The following GANC variants were observed in gnomAD, a reference collection of about 807,000 sequenced individuals.
GANC encodes the protein neutral alpha-glucosidase C.
In GANC, 117 loss-of-function variants were observed where a neutral mutation model predicts 124.2. The observed-to-expected ratio is 0.94, with a 90% CI of 0.81 to 1.10. GANC has a LOEUF of 1.10. Ranked by LOEUF, GANC falls within the 50% of genes least tolerant of loss-of-function variation. GANC has a pLI of 0.00. For missense variants in GANC, 1,140 were observed against 1,095.0 expected, an observed-to-expected ratio of 1.04 and a Z score of -0.58; for synonymous variants, 377 against 376.8, an observed-to-expected ratio of 1.00 and a Z score of -0.01.
chr15:42,287,060 A>G (rs534935242), intron 3 of GANC, among the ~76,000 whole-genome samples: 2 of 152,208 alleles, frequency 1.3e-5, no homozygotes, highest in East Asian at 1.9e-4. Context: ...ATGATTCTAC[A>G]TTGTTTCCGT....
intron 11 of GANC, among the ~76,000 whole-genome samples, chr15:42,324,518 G>A (rs1420691504): frequency 6.6e-6 from 1 of 152,014 alleles, no homozygotes. Context: ...GTAGTCAAAA[G>A]GTCAAAGCAA....
At chr15:42,348,938 CCTCCTA>C (rs2052393850) in intron 21 of GANC, among the ~76,000 whole-genome samples, 3 of 152,240 alleles carry the variant, frequency 2.0e-5, no homozygotes, top group Admixed American at 2.0e-4. Context: ...CGATCCATAT[CCTCCTA>C]CTAAAAATAA....
intron 6 of GANC, among the ~76,000 whole-genome samples, chr15:42,303,194 C>T (rs2051962937): frequency 1.3e-5 from 2 of 152,114 alleles, no homozygotes; most frequent in Admixed American, 1.3e-4. Context: ...GAGTGGGGGC[C>T]AATATTCAAC....
Position 42,352,462 on chromosome 15 carries a change from G to A in GANC, c.*323G>A. On this transcript the variant is annotated 3_prime_UTR_variant, in exon 24 of 24. Transcript: ENST00000318010. Reference sequence around the variant, plus strand: ...GCTGCGTGGGTCTGTTTTAACGTGGGCCAAGCCTACCTGGGCAGCCCATTT... The same window carrying A: ...GCTGCGTGGGTCTGTTTTAACGTGGACCAAGCCTACCTGGGCAGCCCATTT... 2 of 1,056,188 alleles carry A rather than the reference G, an allele frequency of 1.9e-6. No individual in the cohort carries two copies. Among genetic ancestry groups the A allele is most frequent in the Non-Finnish European group, 2.3e-6 (2 of 872,048 alleles). 65.4% of individuals were successfully genotyped at this position (1,056,188 alleles called of 1,614,324 possible).
chr15:42,275,930 C>A (rs1267892248), intron 1 of GANC, among the ~76,000 whole-genome samples: 1 of 152,088 alleles, frequency 6.6e-6, no homozygotes, highest in African/African-American at 2.4e-5. Context: ...AAAATATTTT[C>A]TTGAATAAAT....
intron 10 of GANC, among the ~76,000 whole-genome samples, chr15:42,315,493 A>G (rs180829066): frequency 2.6e-5 from 4 of 152,378 alleles, no homozygotes; most frequent in African/African-American, 4.8e-5. Context: ...ATGGAAAAGC[A>G]TAAGTGTTTA....
intron 10 of GANC, chr15:42,313,753 C>G (rs2052077093): frequency 3.1e-6 from 1 of 326,462 alleles, no homozygotes; most frequent in Admixed American, 4.8e-5. Flanking sequence ...GAACAGTGCT[C>G]CAACATCAGT....
In GANC at chr15:42,273,332, G is replaced by A. The variant is rs1025591504; in HGVS notation, c.-1150G>A. On this transcript the variant is annotated 5_prime_UTR_variant, in exon 1 of 24. In the 5' UTR this introduces an upstream ATG that the reference lacks. Coordinates refer to ENST00000318010, the MANE Select transcript of GANC (RefSeq NM_198141.3). ...GGTCCCGCACTGAAAAACGACAGTG[G>A]TGACGGGTGAGCTCCCAGAAGCAGA... The A allele has an allele frequency of 1.5e-5, 25 of 1,614,044 alleles. No homozygotes were observed. In the East Asian group the frequency reaches 2.5e-4, roughly 16 times the overall value.
At chr15:42,316,536 G>A (rs2052104919) in intron 10 of GANC, among the ~76,000 whole-genome samples, 1 of 152,202 alleles carries the variant, frequency 6.6e-6, no homozygotes, top group Non-Finnish European at 1.5e-5. Flanking sequence ...GCACTTGTAA[G>A]AAAGATCAAG....
At chr15:42,311,640 C>T (rs115972016) in intron 10 of GANC, among the ~76,000 whole-genome samples, 2,541 of 152,072 alleles carry the variant, frequency 0.017, 74 homozygotes, top group African/African-American at 0.059. Context: ...CTTACCTGGT[C>T]GGAGCAGGAG....
At chr15:42,296,473 G>A (rs914548841) in intron 5 of GANC, among the ~76,000 whole-genome samples, 7 of 152,016 alleles carry the variant, frequency 4.6e-5, no homozygotes, top group African/African-American at 1.2e-4. Context: ...TGCAACCTCC[G>A]CCTCCCAATT....
intron 15 of GANC, among the ~76,000 whole-genome samples, chr15:42,331,036 C>T (rs113155987): frequency 0.06 from 9,120 of 151,984 alleles, 383 homozygotes; most frequent in South Asian, 0.16. Context: ...TGGACTCAAG[C>T]GATCTGCCCA....
chr15:42,296,633 T>G (rs2051894466), intron 5 of GANC, among the ~76,000 whole-genome samples: 1 of 152,182 alleles, frequency 6.6e-6, no homozygotes, highest in Admixed American at 6.5e-5. Flanking sequence ...CCTCAGGTAA[T>G]CTACCCGCAT....
chr15:42,319,437 T>C (rs57278542), intron 10 of GANC, among the ~76,000 whole-genome samples: 2,370 of 152,234 alleles, frequency 0.016, 60 homozygotes, highest in African/African-American at 0.053. Flanking sequence ...CTCTAGCTCC[T>C]GGGCTCAAGC....
In GANC at chr15:42,329,406, A is replaced by G. The variant is rs760868441; in HGVS notation, c.1601A>G (p.Asn534Ser). 1.1e-5 allele frequency: 17 copies of G among 1,613,758 alleles called. No homozygotes were observed. The highest frequency in any genetic ancestry group is 8.8e-5 in the South Asian group (8 of 91,042). ...TMQKNAIHHG[N>S]WEHRELHNIY... ...CAGAAGAATGCCATTCATCATGGCA[A>G]TTGGGAGCACAGAGAGCTCCACAAC... Residue 534 changes from asparagine to serine, a missense_variant, in exon 14 of 24, where the codon AAT becomes AGT. Coordinates refer to ENST00000318010, the MANE Select transcript of GANC (RefSeq NM_198141.3).
At chr15:42,289,292 T>G (rs980690848) in intron 4 of GANC, among the ~76,000 whole-genome samples, 2 of 152,132 alleles carry the variant, frequency 1.3e-5, no homozygotes, top group Non-Finnish European at 2.9e-5. Flanking sequence ...TCTAAGGCCA[T>G]TAGTTAAGGC....
chr15:42,350,642 T>C (rs1170050920), intron 22 of GANC, among the ~76,000 whole-genome samples: 1 of 143,682 alleles, frequency 7.0e-6, no homozygotes, highest in East Asian at 2.2e-4. Context: ...AACCTCAGCC[T>C]CCCGGGTTCA....
At position 42,352,243 on chromosome 15, in the gene GANC, A is replaced by G; in HGVS notation, c.*104A>G. 2 of 1,522,222 alleles carry G rather than the reference A, an allele frequency of 1.3e-6. No homozygotes were observed. The highest frequency in any genetic ancestry group is 1.8e-6 in the Non-Finnish European group (2 of 1,133,914). 94.3% of individuals were successfully genotyped at this position (1,522,222 alleles called of 1,614,324 possible). On this transcript the variant is annotated 3_prime_UTR_variant, in exon 24 of 24. Coordinates refer to ENST00000318010, the MANE Select transcript of GANC (RefSeq NM_198141.3). The stretch of plus-strand genomic sequence containing the variant: ...TGCTGCAATCTGTTTGCCTTCCCTG[A>G]ATCAAAATAATCTTTCATTCGTCAC...
intron 3 of GANC, among the ~76,000 whole-genome samples, chr15:42,285,283 A>G (rs1295447596): frequency 1.3e-5 from 2 of 152,218 alleles, no homozygotes; most frequent in Non-Finnish European, 2.9e-5. Flanking sequence ...GAGGTGACTT[A>G]GGACTCAGTA....
Sources: gnomAD v4.1 joint callset for allele counts (sites outside exome capture counted in the v4.1 genomes callset) on GRCh38, gnomAD v4.1.1 for gene constraint, MANE v1.5 for transcripts, NCBI Gene and HGNC (gene_info 2026-07-23, HGNC 2026-07-21) for gene names.